The following OPHN1 variants were observed in gnomAD, a reference collection of about 807,000 sequenced individuals.
OPHN1 encodes the protein oligophrenin 1.
OPHN1 carries 11 observed loss-of-function variants against 60.7 expected under a neutral mutation model. The observed-to-expected ratio is 0.18, with a 90% CI of 0.11 to 0.30. The LOEUF (loss-of-function observed/expected upper bound fraction) is 0.30, where lower values mean the gene tolerates loss of function less well. OPHN1 is among the 10% of genes least tolerant of loss of function. The probability of loss-of-function intolerance (pLI) is 1.00; values close to 1 mark genes in which losing one functional copy is unlikely to be tolerated. For missense variants in OPHN1, 449 were observed against 611.0 expected (o/e 0.73, Z 2.80); for synonymous variants, 226 against 222.6 (o/e 1.02, Z -0.14).
intron 2 of OPHN1, among the ~76,000 whole-genome samples, chrX:68,383,135 AACATAG>A (rs2078605990): frequency 9.0e-6 from 1 of 110,939 alleles, no homozygotes; most frequent in African/African-American, 3.3e-5. Context: ...CAGCCTGGAC[AACATAG>A]ACAGACTCCA....
intron 5 of OPHN1, among the ~76,000 whole-genome samples, chrX:68,246,465 A>C (rs193054220): frequency 8.9e-5 from 10 of 111,946 alleles, no homozygotes; most frequent in African/African-American, 1.3e-4. Flanking sequence ...GGGATGAGAG[A>C]TAAAAAGGCA....
chrX:68,192,119 AAGAT>A (rs1359170891), intron 15 of OPHN1, among the ~76,000 whole-genome samples: 2 of 111,905 alleles, frequency 1.8e-5, no homozygotes, highest in African/African-American at 6.5e-5. Flanking sequence ...ACCAAGAACA[AAGAT>A]AGAACTGTAG....
rs774292538 is a variant in OPHN1, at chrX:68,370,532, G to T, written c.154+62335C>A. On this transcript the variant is annotated intron_variant, in intron 2 of 24. Coordinates refer to ENST00000355520, the MANE Select transcript of OPHN1 (RefSeq NM_002547.3). The stretch of plus-strand genomic sequence containing the variant: ...AAAAAAAAAAAAAAAAGAGATGCTA[G>T]ACAGTTACTCAAAACCACATTAAGA... Among the ~76,000 whole-genome samples, 9 of 109,552 alleles carry T rather than the reference G, an allele frequency of 8.2e-5. No homozygotes were observed. In the East Asian group the frequency reaches 2.6e-3, roughly 32 times the overall value.
At chrX:68,356,129 G>A (rs939209933) in intron 2 of OPHN1, among the ~76,000 whole-genome samples, 1 of 110,888 alleles carries the variant, frequency 9.0e-6, no homozygotes, top group African/African-American at 3.3e-5. Context: ...GTGGTCAAAC[G>A]TTATTCTGGA....
chrX:68,250,193 T>C (rs1230316724), intron 5 of OPHN1, among the ~76,000 whole-genome samples: 4 of 112,277 alleles, frequency 3.6e-5, no homozygotes, highest in African/African-American at 9.7e-5. Flanking sequence ...GAATCAGTCA[T>C]ACAGATAAAT....
At chrX:68,350,607 C>T (rs1055738798) in intron 2 of OPHN1, among the ~76,000 whole-genome samples, 57 of 106,583 alleles carry the variant, frequency 5.3e-4, no homozygotes, top group African/African-American at 2.0e-3. Context: ...CATTGAACTC[C>T]TGGACTCAAG....
intron 3 of OPHN1, among the ~76,000 whole-genome samples, chrX:68,283,886 T>C (rs1433577757): frequency 8.9e-6 from 1 of 112,037 alleles, no homozygotes; most frequent in African/African-American, 3.2e-5. Context: ...GAAATGAATT[T>C]TGGAGTCAAC....
chrX:68,289,024 T>C lies in OPHN1; in HGVS notation c.251-5907A>G, dbSNP rs141663863. Among the ~76,000 whole-genome samples the C allele has an allele frequency of 5.9e-4, 65 of 111,103 alleles. 1 individual carries two copies. In the East Asian group the frequency reaches 0.018, roughly 31 times the overall value. On this transcript the variant is annotated intron_variant, in intron 3 of 24. Coordinates refer to ENST00000355520, the MANE Select transcript of OPHN1 (RefSeq NM_002547.3). The stretch of plus-strand genomic sequence containing the variant: ...CATTACAGAGTGTGGGAGAGAATAG[T>C]CATTAAGGAGCCAAAGTCATTAGAG...
At chrX:68,235,139 C>T (rs1231944710) in intron 5 of OPHN1, among the ~76,000 whole-genome samples, 5 of 111,682 alleles carry the variant, frequency 4.5e-5, no homozygotes, top group Non-Finnish European at 9.4e-5. Context: ...GAAAAAAAAT[C>T]CTGGAAAGTT....
At chrX:68,104,595 G>C (rs1159519529) in intron 18 of OPHN1, among the ~76,000 whole-genome samples, 4 of 111,971 alleles carry the variant, frequency 3.6e-5, no homozygotes, top group Non-Finnish European at 7.5e-5. Flanking sequence ...ATGGTGTTGG[G>C]AAAACTGGTT....
chrX:68,356,092 T>C (rs1270574137), intron 2 of OPHN1, among the ~76,000 whole-genome samples: 1 of 111,013 alleles, frequency 9.0e-6, no homozygotes, highest in Admixed American at 9.7e-5. Flanking sequence ...TATGTGTCAT[T>C]TTGGCTGGGG....
chrX:68,105,161 A>G (rs913020401), intron 18 of OPHN1, among the ~76,000 whole-genome samples: 1 of 110,875 alleles, frequency 9.0e-6, no homozygotes, highest in Non-Finnish European at 1.9e-5. Flanking sequence ...GAAACAACAG[A>G]TGCTGGAGAG....
intron 2 of OPHN1, among the ~76,000 whole-genome samples, chrX:68,366,958 C>T (rs947926784): frequency 6.3e-5 from 7 of 111,320 alleles, no homozygotes; most frequent in Admixed American, 5.8e-4. Flanking sequence ...GGAGCCAGGA[C>T]GCTACTGTAA....
At chrX:68,121,788 G>A (rs2077151619) in intron 15 of OPHN1, among the ~76,000 whole-genome samples, 1 of 106,061 alleles carries the variant, frequency 9.4e-6, no homozygotes, top group South Asian at 4.4e-4. Flanking sequence ...AGGAAAAGAG[G>A]GGGCAAGAGT....
intron 5 of OPHN1, among the ~76,000 whole-genome samples, chrX:68,265,104 CA>C (rs2147574029): frequency 8.9e-6 from 1 of 112,711 alleles, no homozygotes; most frequent in Admixed American, 9.4e-5. Flanking sequence ...CCTCTGGGGG[CA>C]GGGTATTGCC....
chrX:68,297,351 G>A (rs1050154360), intron 3 of OPHN1, among the ~76,000 whole-genome samples: 3 of 111,614 alleles, frequency 2.7e-5, no homozygotes, highest in Non-Finnish European at 5.6e-5. Context: ...AAGATGTAGA[G>A]GTAGAGTTCA....
chrX:68,409,741 G>A lies in OPHN1; in HGVS notation c.154+23126C>T, dbSNP rs144262673. ...GAATACACTTTTCTTTTTTAAGCAA[G>A]TCTAAAAAACCAGAACTTGGAAATT... On this transcript the variant is annotated intron_variant, in intron 2 of 24. Transcript: ENST00000355520. Among the ~76,000 whole-genome samples the A allele has an allele frequency of 8.9e-3, 998 of 111,992 alleles. 7 individuals carry two copies. The highest frequency in any genetic ancestry group is 0.031 in the African/African-American group (962 of 30,857).
At chrX:68,394,463 A>C in intron 2 of OPHN1, among the ~76,000 whole-genome samples, 1 of 111,919 alleles carries the variant, frequency 8.9e-6, no homozygotes, top group African/African-American at 3.2e-5. Context: ...CAACTTTTAG[A>C]ATCAGTTTAT....
chrX:68,186,307 T>G (rs1223691856), intron 15 of OPHN1, among the ~76,000 whole-genome samples: 1 of 110,704 alleles, frequency 9.0e-6, no homozygotes, highest in Non-Finnish European at 1.9e-5. Context: ...TAAGAGATGC[T>G]CAGGGCATAG....
Sources: allele counts gnomAD v4.1 joint callset (sites outside exome capture counted in the v4.1 genomes callset), GRCh38; gene constraint gnomAD v4.1.1; transcripts MANE v1.5; gene names NCBI Gene and HGNC (gene_info 2026-07-23, HGNC 2026-07-21).